Variants in CABP1 observed in about 807,000 individuals in gnomAD.
CABP1 encodes the protein calcium binding protein 1.
Under a neutral mutation model 34.3 loss-of-function variants are expected in CABP1, and 17 were observed. The ratio of observed to expected loss-of-function variants is 0.50; its 90% CI spans 0.34 to 0.74. CABP1 has a LOEUF of 0.74. CABP1 is among the 30% of genes least tolerant of loss of function. The probability of loss-of-function intolerance (pLI) is 0.01; values close to 1 mark genes in which losing one functional copy is unlikely to be tolerated. For missense variants in CABP1, 373 were observed against 511.1 expected, an observed-to-expected ratio of 0.73 and a Z score of 2.61; for synonymous variants, 198 against 229.2, an observed-to-expected ratio of 0.86 and a Z score of 1.23.
In CABP1 at chr12:120,660,926, G is replaced by A; in HGVS notation, c.939+86G>A. 1 of 1,390,960 alleles carries A rather than the reference G, an allele frequency of 7.2e-7. No homozygotes were observed. The highest frequency in any genetic ancestry group is 1.7e-5 in the Admixed American group (1 of 57,508). The allele number at this position is 1,390,960 out of a possible 1,614,324, so 86.2% of individuals were successfully genotyped here. On this transcript the variant is annotated intron_variant, in intron 4 of 5. Transcript: ENST00000316803. The surrounding 1 kb of genome is among the most constrained non-coding windows in gnomAD (Gnocchi z 5.0). ...ACTTCAAAAGAAGCCTGAGCCTCAA[G>A]TCCCAGATCAGGGGAGGGAGCTTGG...
In CABP1 at chr12:120,660,902, C is replaced by A; in HGVS notation, c.939+62C>A. 7.0e-7 allele frequency: 1 copy of A among 1,423,788 alleles called. No individual in the cohort carries two copies. Among genetic ancestry groups the A allele is most frequent in the Non-Finnish European group, 9.9e-7 (1 of 1,009,908 alleles). 88.2% of individuals were successfully genotyped at this position (1,423,788 alleles called of 1,614,324 possible). A position where few individuals can be genotyped will look rare whatever the true frequency, so the allele number is the denominator to read the frequency against. On this transcript the variant is annotated intron_variant, in intron 4 of 5. Transcript: ENST00000316803. This position sits in a 1 kb window ranked among gnomAD's most constrained non-coding sequence, Gnocchi z 5.0. ...TGGAATCCTATCTGCAGTATAAATA[C>A]TTCAAAAGAAGCCTGAGCCTCAAGT...
chr12:120,656,369 C>T (rs1347137790), intron 1 of CABP1: 1 of 1,199,756 alleles, frequency 8.3e-7, no homozygotes, highest in African/African-American at 1.5e-5. Context: ...GCTCACACCC[C>T]CAACTTATGA....
chr12:120,669,350 C>G (rs1238968663), downstream of CABP1, among the ~76,000 whole-genome samples: 1 of 152,238 alleles, frequency 6.6e-6, no homozygotes, highest in Non-Finnish European at 1.5e-5. Context: ...TGCCTCTGTA[C>G]TAGCTTGGCT....
intron 1 of CABP1, among the ~76,000 whole-genome samples, chr12:120,642,232 C>G (rs1253264564): frequency 6.6e-6 from 1 of 152,088 alleles, no homozygotes; most frequent in East Asian, 1.9e-4. Flanking sequence ...TGAGACAGTT[C>G]TGTGGCAGCC....
intron 5 of CABP1, among the ~76,000 whole-genome samples, chr12:120,664,962 T>C (rs375810617): frequency 1.3e-5 from 2 of 150,350 alleles, no homozygotes; most frequent in South Asian, 4.2e-4. Context: ...TGCATATTAC[T>C]AAGTGAAAAG....
chr12:120,650,433 C>CAAAAAA, intron 1 of CABP1: 1 of 1,233,492 alleles, frequency 8.1e-7, no homozygotes, highest in Non-Finnish European at 1.1e-6. Flanking sequence ...ACAATCCACC[C>CAAAAAA]AAAAAAAAAA....
chr12:120,665,523 C>T (rs551049568), intron 5 of CABP1, among the ~76,000 whole-genome samples: 5 of 152,196 alleles, frequency 3.3e-5, no homozygotes, highest in South Asian at 2.1e-4. Flanking sequence ...GAATGTACAT[C>T]GCCAACAATG....
At chr12:120,657,738 C>T (rs1880330631) in intron 1 of CABP1, among the ~76,000 whole-genome samples, 1 of 152,210 alleles carries the variant, frequency 6.6e-6, no homozygotes, top group Non-Finnish European at 1.5e-5. Flanking sequence ...TGAAGGGGCA[C>T]CTGGCTTTGC....
intron 1 of CABP1, among the ~76,000 whole-genome samples, chr12:120,657,812 G>C (rs1880337072): frequency 6.6e-6 from 1 of 152,200 alleles, no homozygotes; most frequent in Non-Finnish European, 1.5e-5. Flanking sequence ...AGCAATGCCT[G>C]TTCCTCCCGA....
chr12:120,657,389 G>A (rs74706754), intron 1 of CABP1, among the ~76,000 whole-genome samples: 17,669 of 152,230 alleles, frequency 0.12, 1,126 homozygotes, highest in Non-Finnish European at 0.14. Flanking sequence ...TGTGAGGTGG[G>A]TACTGGTATT....
At position 120,641,510 on chromosome 12, in the gene CABP1, G is replaced by C. The variant is rs1056205251; in HGVS notation, c.654+171G>C. On this transcript the variant is annotated intron_variant, in intron 1 of 5. Coordinates refer to ENST00000316803, the MANE Select transcript of CABP1 (RefSeq NM_001033677.2). This position sits in a 1 kb window ranked among gnomAD's most constrained non-coding sequence, Gnocchi z 6.7. ...CCTTGCCGGCACTCCTCCTCCCCGT[G>C]CCTGATTCAGCACCCCGTGCGCTGT... is the stretch of plus-strand genomic sequence containing the variant. The C allele has an allele frequency of 1.1e-5, 7 of 622,546 alleles. No individual in the cohort carries two copies. The highest frequency in any genetic ancestry group is 1.6e-5 in the Non-Finnish European group (7 of 432,620). The allele number at this position is 622,546 out of a possible 1,614,324, so 38.6% of individuals were successfully genotyped here. A position where few individuals can be genotyped will look rare whatever the true frequency, so the allele number is the denominator to read the frequency against.
chr12:120,662,718 C>G (rs1245754715), intron 5 of CABP1, among the ~76,000 whole-genome samples: 1 of 137,228 alleles, frequency 7.3e-6, no homozygotes, highest in African/African-American at 2.8e-5. Context: ...AAGTCTCGCT[C>G]TTGTACTCCA....
intron 1 of CABP1, among the ~76,000 whole-genome samples, chr12:120,653,765 T>C (rs1169918659): frequency 6.6e-6 from 1 of 152,186 alleles, no homozygotes; most frequent in South Asian, 2.1e-4. Context: ...ACTCCCAACT[T>C]CAGGTCATCC....
chr12:120,660,191 C>T lies in CABP1; in HGVS notation c.686-5C>T, dbSNP rs765499506. ...GACCACATCCACCTTTGCTCACTTC[C>T]CCAGAGCTCCGAGAGGCCTTCAGAG... On this transcript the variant is annotated splice_region_variant and splice_polypyrimidine_tract_variant and intron_variant, in intron 2 of 5. Transcript: ENST00000316803. The surrounding 1 kb of genome is among the most constrained non-coding windows in gnomAD (Gnocchi z 5.0). 2 of 1,613,916 alleles carry T rather than the reference C, an allele frequency of 1.2e-6. No individual in the cohort carries two copies. Among genetic ancestry groups the T allele is most frequent in the South Asian group, 2.2e-5 (2 of 91,070 alleles).
At chr12:120,657,940 A>G (rs1236559215) in intron 1 of CABP1, among the ~76,000 whole-genome samples, 1 of 152,198 alleles carries the variant, frequency 6.6e-6, no homozygotes, top group African/African-American at 2.4e-5. Context: ...GTATGTGTAC[A>G]CACGTGTGCT....
intron 1 of CABP1, among the ~76,000 whole-genome samples, chr12:120,643,399 G>A (rs539797824): frequency 2.0e-5 from 3 of 152,266 alleles, no homozygotes; most frequent in East Asian, 1.9e-4. Context: ...CCTTTTCTCC[G>A]TATTGAGATT....
chr12:120,652,644 C>A (rs1443004043), intron 1 of CABP1, among the ~76,000 whole-genome samples: 1 of 152,182 alleles, frequency 6.6e-6, no homozygotes, highest in Non-Finnish European at 1.5e-5. Flanking sequence ...CTGGATCTGA[C>A]CTTAGAAGTC....
At chr12:120,648,433 G>A (rs572475229) in intron 1 of CABP1, among the ~76,000 whole-genome samples, 89 of 152,330 alleles carry the variant, frequency 5.8e-4, no homozygotes, top group African/African-American at 2.0e-3. Context: ...CACTGGACAA[G>A]TGATACTTCT....
intron 1 of CABP1, among the ~76,000 whole-genome samples, chr12:120,649,786 T>C (rs991984888): frequency 1.7e-4 from 26 of 152,146 alleles, no homozygotes; most frequent in Admixed American, 1.6e-3. Context: ...TCATCTGCAC[T>C]GCCGGCCCCC....
Sources: allele counts gnomAD v4.1 joint callset (sites outside exome capture counted in the v4.1 genomes callset), GRCh38; gene constraint gnomAD v4.1.1; non-coding constraint Gnocchi (gnomAD v3.1); transcripts MANE v1.5; gene names NCBI Gene and HGNC (gene_info 2026-07-23, HGNC 2026-07-21).